Variants in PCNX1 observed in about 807,000 individuals in gnomAD.
PCNX1 encodes the protein pecanex 1.
In PCNX1, 78 loss-of-function variants were observed where a neutral mutation model predicts 242.2. The observed-to-expected ratio is 0.32, with a 90% confidence interval of 0.27 to 0.39. The LOEUF is 0.39. Ranked by LOEUF, PCNX1 falls within the 10% of genes least tolerant of loss-of-function variation. The probability of loss-of-function intolerance (pLI) is 1.00; values close to 1 mark genes in which losing one functional copy is unlikely to be tolerated. For missense variants in PCNX1, 2,581 were observed against 2,856.5 expected (o/e 0.90, Z 2.20); for synonymous variants, 1,024 against 1,032.9 (o/e 0.99, Z 0.17).
At chr14:71,094,442 A>G (rs1005765056) in intron 30 of PCNX1, among the ~76,000 whole-genome samples, 11 of 152,246 alleles carry the variant, frequency 7.2e-5, no homozygotes, top group African/African-American at 2.7e-4. Flanking sequence ...ATCATATTTC[A>G]AACTTGACTT....
intron 1 of PCNX1, among the ~76,000 whole-genome samples, chr14:70,913,734 C>G (rs1395158186): frequency 6.6e-6 from 1 of 152,044 alleles, no homozygotes; most frequent in African/African-American, 2.4e-5. Context: ...TCATTTTAAA[C>G]AAGATTTAGT....
At position 71,110,429 on chromosome 14, in the gene PCNX1, T is replaced by C. The variant is rs1203997753; in HGVS notation, c.*494T>C. 1 of 164,394 alleles carries C rather than the reference T, an allele frequency of 6.1e-6. No individual in the cohort carries two copies. The highest frequency in any genetic ancestry group is 1.3e-5 in the Non-Finnish European group (1 of 74,978). 10.2% of individuals were successfully genotyped at this position (164,394 alleles called of 1,614,324 possible). A position where few individuals can be genotyped will look rare whatever the true frequency, so the allele number is the denominator to read the frequency against. ...AAGTTTAATGTACAGTGAAAGAGAC[T>C]ATGAACAGACATAGATTTATCTTAT... is the stretch of plus-strand genomic sequence containing the variant. On this transcript the variant is annotated 3_prime_UTR_variant, in exon 36 of 36. Transcript: ENST00000304743.
At chr14:71,062,768 C>G (rs2061358416) in intron 26 of PCNX1, among the ~76,000 whole-genome samples, 1 of 152,178 alleles carries the variant, frequency 6.6e-6, no homozygotes, top group Admixed American at 6.5e-5. Flanking sequence ...CACTCACTCA[C>G]TACTGACTCA....
rs370492801 is a variant in PCNX1, at chr14:71,099,152, T to G, written c.5590-2838T>G. Among the ~76,000 whole-genome samples the G allele has an allele frequency of 3.4e-3, 508 of 147,328 alleles. 1 individual carries two copies. Among genetic ancestry groups the G allele is most frequent in the African/African-American group, 0.012 (493 of 40,424 alleles). On this transcript the variant is annotated intron_variant, in intron 30 of 35. Coordinates refer to ENST00000304743, the MANE Select transcript of PCNX1 (RefSeq NM_014982.3). ...TGTGGTCCAAGAGTATGGTTACTAT[T>G]ATTTTGATTTTTTTTTTTTTTTTTG...
chr14:70,949,436 T>C (rs558936985), intron 2 of PCNX1, among the ~76,000 whole-genome samples: 1 of 151,820 alleles, frequency 6.6e-6, no homozygotes, highest in East Asian at 1.9e-4. Context: ...CACGTATATA[T>C]GTGTATATAT....
At position 71,113,608 on chromosome 14, in the gene PCNX1, C is replaced by T. The variant is rs1362363260; in HGVS notation, c.*3673C>T. ...TTGCTGTTGTGAGTCATTCATCCAG[C>T]ACTGGGCCTTTTAAGCTGAAGATTC... is the stretch of plus-strand genomic sequence containing the variant. On this transcript the variant is annotated 3_prime_UTR_variant, in exon 36 of 36. Transcript: ENST00000304743. 6.6e-6 allele frequency: 1 copy of T among 152,608 alleles called. No individual in the cohort carries two copies. Among genetic ancestry groups the T allele is most frequent in the African/African-American group, 2.4e-5 (1 of 41,458 alleles). The allele number at this position is 152,608 out of a possible 1,614,324, so 9.5% of individuals were successfully genotyped here. A position where few individuals can be genotyped will look rare whatever the true frequency, so the allele number is the denominator to read the frequency against.
At chr14:71,035,912 A>C (rs1029110253) in intron 18 of PCNX1, among the ~76,000 whole-genome samples, 153 bp from the exon 19 acceptor site, 1 of 152,200 alleles carries the variant, frequency 6.6e-6, no homozygotes, top group Non-Finnish European at 1.5e-5. Context: ...GAAGTGTTAA[A>C]GTATCAATGA....
At chr14:71,057,351 C>A (rs113044490) in intron 25 of PCNX1, among the ~76,000 whole-genome samples, 158 bp from the exon 26 acceptor site, 4 of 152,124 alleles carry the variant, frequency 2.6e-5, no homozygotes, top group South Asian at 2.1e-4. Flanking sequence ...TTCCATTTTC[C>A]TGTTTTACTT....
At chr14:71,014,827 G>A (rs1417628647) in intron 11 of PCNX1, among the ~76,000 whole-genome samples, 1 of 152,110 alleles carries the variant, frequency 6.6e-6, no homozygotes, top group Non-Finnish European at 1.5e-5. Context: ...TAAGAGTGGA[G>A]AACTTTCCAA....
chr14:70,998,296 C>T (rs539140971), intron 8 of PCNX1, among the ~76,000 whole-genome samples: 3 of 152,096 alleles, frequency 2.0e-5, no homozygotes, highest in Admixed American at 1.3e-4. Flanking sequence ...TACCAGAGAA[C>T]ATCAGACATC....
intron 11 of PCNX1, among the ~76,000 whole-genome samples, chr14:71,015,324 TTAAA>T (rs1277978267): frequency 6.6e-6 from 1 of 152,194 alleles, no homozygotes; most frequent in African/African-American, 2.4e-5. Context: ...TTCTTATTAA[TTAAA>T]TCTCTTTAAG....
chr14:70,908,658 C>T (rs2055685796), intron 1 of PCNX1, among the ~76,000 whole-genome samples: 1 of 152,256 alleles, frequency 6.6e-6, no homozygotes, highest in Admixed American at 6.5e-5. Flanking sequence ...AGCGGTTCTT[C>T]TCTGTTCGGC....
intron 33 of PCNX1, among the ~76,000 whole-genome samples, chr14:71,106,296 G>A (rs564468510): frequency 1.3e-5 from 2 of 152,284 alleles, no homozygotes; most frequent in South Asian, 4.2e-4. Context: ...GAGATTACAG[G>A]CGTGAGCCAC....
intron 34 of PCNX1, 25 bp from the exon 35 acceptor site, chr14:71,109,427 G>A (rs554589054): frequency 6.3e-7 from 1 of 1,576,112 alleles, no homozygotes; most frequent in Admixed American, 1.9e-5. Context: ...AAAATGAATT[G>A]GAAATGTTTT....
At chr14:71,060,437 C>T (rs1162693501) in intron 26 of PCNX1, among the ~76,000 whole-genome samples, 2 of 152,202 alleles carry the variant, frequency 1.3e-5, no homozygotes, top group African/African-American at 4.8e-5. Context: ...CAGACTCATA[C>T]ATCTCACATT....
At chr14:70,970,233 G>A (rs2058501181) in intron 5 of PCNX1, among the ~76,000 whole-genome samples, 1 of 151,818 alleles carries the variant, frequency 6.6e-6, no homozygotes, top group South Asian at 2.1e-4. Flanking sequence ...GGGCATGATG[G>A]TGTGTGCCTA....
intron 5 of PCNX1, among the ~76,000 whole-genome samples, chr14:70,975,839 G>A (rs1014354906): frequency 5.3e-5 from 8 of 151,570 alleles, no homozygotes; most frequent in African/African-American, 1.9e-4. Flanking sequence ...CTAATCACTG[G>A]TCTGGATGGA....
intron 19 of PCNX1, among the ~76,000 whole-genome samples, chr14:71,040,282 T>C (rs2060667525): frequency 6.6e-6 from 1 of 152,186 alleles, no homozygotes; most frequent in South Asian, 2.1e-4. Flanking sequence ...TTTTCTCTTT[T>C]AGTACATGAA....
At chr14:70,975,213 A>G (rs2058657969) in intron 5 of PCNX1, among the ~76,000 whole-genome samples, 1 of 148,662 alleles carries the variant, frequency 6.7e-6, no homozygotes, top group African/African-American at 2.6e-5. Flanking sequence ...TATTAGAGAT[A>G]AAGAGTTTTT....
Sources: gnomAD v4.1 joint callset for allele counts (sites outside exome capture counted in the v4.1 genomes callset) on GRCh38, gnomAD v4.1.1 for gene constraint, MANE v1.5 for transcripts, NCBI Gene and HGNC (gene_info 2026-07-23, HGNC 2026-07-21) for gene names.